The following NALF1 variants were observed in gnomAD, a reference collection of about 807,000 sequenced individuals.
NALF1 encodes NALCN channel auxiliary factor 1.
A neutral mutation model predicts 48.4 loss-of-function variants in NALF1; 3 were observed. That is an observed-to-expected ratio of 0.06 (90% CI 0.03 to 0.16). The LOEUF (loss-of-function observed/expected upper bound fraction) is 0.16, where lower values mean the gene tolerates loss of function less well. Among genes scored for constraint, NALF1 ranks in the 10% least tolerant of loss-of-function variants. NALF1 has a pLI of 1.00. For missense variants in NALF1, 526 were observed against 571.5 expected, an observed-to-expected ratio of 0.92 and a Z score of 0.81; for synonymous variants, 262 against 245.7, an observed-to-expected ratio of 1.07 and a Z score of -0.62.
At chr13:107,406,047 A>G (rs1195553544) in intron 1 of NALF1, among the ~76,000 whole-genome samples, 1 of 152,068 alleles carries the variant, frequency 6.6e-6, no homozygotes, top group Non-Finnish European at 1.5e-5. Flanking sequence ...GATCACCACC[A>G]CTACCTAGAA....
At chr13:107,627,978 T>C (rs1322458634) in intron 1 of NALF1, among the ~76,000 whole-genome samples, 1 of 152,106 alleles carries the variant, frequency 6.6e-6, no homozygotes, top group Non-Finnish European at 1.5e-5. Context: ...TTTCATTTAC[T>C]GGTAAAGTTA....
intron 1 of NALF1, among the ~76,000 whole-genome samples, chr13:107,435,106 CT>C (rs1462081781): frequency 6.6e-6 from 1 of 151,964 alleles, no homozygotes; most frequent in Non-Finnish European, 1.5e-5. Flanking sequence ...GGGGGGTAGT[CT>C]TAGCAACTTA....
chr13:107,303,746 T>A (rs1235316227), intron 1 of NALF1, among the ~76,000 whole-genome samples: 1 of 152,204 alleles, frequency 6.6e-6, no homozygotes, highest in Non-Finnish European at 1.5e-5. Flanking sequence ...AATTTTTTTT[T>A]AATCTCCTGA....
chr13:107,499,872 TTTG>T (rs1875460987), intron 1 of NALF1, among the ~76,000 whole-genome samples: 2 of 152,308 alleles, frequency 1.3e-5, no homozygotes, highest in South Asian at 2.1e-4. Flanking sequence ...ACAATTTTTA[TTTG>T]TTATTTTAAA....
intron 2 of NALF1, among the ~76,000 whole-genome samples, chr13:107,173,627 C>A (rs1193054272): frequency 6.6e-6 from 1 of 152,182 alleles, no homozygotes; most frequent in African/African-American, 2.4e-5. Context: ...AGTGCTGGAT[C>A]CCCTGTTCCC....
In NALF1 at chr13:107,589,871, T is replaced by G. The variant is rs368083081; in HGVS notation, c.915+275811A>C. Reference sequence around the variant, plus strand: ...TTTGCTAATAACATATCAGGCAGGATAACCAAACAGATTGCACAGCTAGTC... The same window carrying G: ...TTTGCTAATAACATATCAGGCAGGAGAACCAAACAGATTGCACAGCTAGTC... On this transcript the variant is annotated intron_variant, in intron 1 of 2. Transcript: ENST00000375915. Among the ~76,000 whole-genome samples the G allele has an allele frequency of 4.6e-3, 600 of 131,866 alleles. 5 individuals carry two copies. The highest frequency in any genetic ancestry group is 0.017 in the African/African-American group (555 of 32,084). The allele number at this position is 131,866 out of a possible 152,430, so 86.5% of individuals were successfully genotyped here.
At chr13:107,571,522 T>C (rs962576462) in intron 1 of NALF1, among the ~76,000 whole-genome samples, 8 of 152,302 alleles carry the variant, frequency 5.3e-5, no homozygotes, top group African/African-American at 1.4e-4. Context: ...TCCGTGCCCC[T>C]GCCCCATACC....
At chr13:107,531,796 C>G (rs1360325919) in intron 1 of NALF1, among the ~76,000 whole-genome samples, 1 of 151,738 alleles carries the variant, frequency 6.6e-6, no homozygotes, top group Non-Finnish European at 1.5e-5. Flanking sequence ...TCATTTGCAT[C>G]TTTTTTATGA....
At chr13:107,564,859 G>A (rs1877748619) in intron 1 of NALF1, among the ~76,000 whole-genome samples, 1 of 151,828 alleles carries the variant, frequency 6.6e-6, no homozygotes, top group African/African-American at 2.4e-5. Context: ...GAGCCATTAG[G>A]GACCTCAGCC....
intron 1 of NALF1, among the ~76,000 whole-genome samples, chr13:107,558,438 T>C (rs375257075): frequency 6.6e-6 from 1 of 152,190 alleles, no homozygotes; most frequent in South Asian, 2.1e-4. Context: ...CTAAAATTTA[T>C]CCCCAAATAT....
intron 1 of NALF1, among the ~76,000 whole-genome samples, chr13:107,446,428 C>A (rs1262131823): frequency 2.0e-5 from 3 of 150,860 alleles, no homozygotes; most frequent in African/African-American, 7.4e-5. Flanking sequence ...CACACACACA[C>A]ACACACATAT....
chr13:107,270,475 G>T (rs1359167633), intron 1 of NALF1, among the ~76,000 whole-genome samples: 1 of 152,004 alleles, frequency 6.6e-6, no homozygotes, highest in African/African-American at 2.4e-5. Flanking sequence ...TTTAGCAGAA[G>T]AGTGAACGAA....
At chr13:107,349,196 A>G (rs534033173) in intron 1 of NALF1, among the ~76,000 whole-genome samples, 1 of 152,286 alleles carries the variant, frequency 6.6e-6, no homozygotes, top group African/African-American at 2.4e-5. Context: ...GATATTTCGA[A>G]AGAGAAAAAT....
chr13:107,617,222 A>G (rs1879402911), intron 1 of NALF1, among the ~76,000 whole-genome samples: 1 of 152,244 alleles, frequency 6.6e-6, no homozygotes, highest in Middle Eastern at 3.4e-3. Flanking sequence ...CAAACCTGGT[A>G]TCCATCCTAG....
intron 1 of NALF1, among the ~76,000 whole-genome samples, chr13:107,599,396 G>A (rs112632895): frequency 0.037 from 5,583 of 150,708 alleles, 160 homozygotes; most frequent in Middle Eastern, 0.095. Context: ...CACTCCAGCC[G>A]GGGCAACAGA....
intron 1 of NALF1, among the ~76,000 whole-genome samples, chr13:107,735,455 G>C (rs1876440000): frequency 6.6e-6 from 1 of 152,164 alleles, no homozygotes; most frequent in Non-Finnish European, 1.5e-5. Flanking sequence ...ATGCTGACTA[G>C]CTCTCTTTAT....
intron 1 of NALF1, among the ~76,000 whole-genome samples, chr13:107,682,214 T>G (rs1881323188): frequency 6.6e-6 from 1 of 152,244 alleles, no homozygotes; most frequent in African/African-American, 2.4e-5. Flanking sequence ...AAAGCATTGT[T>G]GCCTTCATTT....
intron 1 of NALF1, among the ~76,000 whole-genome samples, chr13:107,304,853 CT>C (rs1881905579): frequency 6.6e-6 from 1 of 152,192 alleles, no homozygotes. Flanking sequence ...TGTTATTATT[CT>C]GTGAACACAC....
chr13:107,796,133 T>C (rs1412782937), intron 1 of NALF1, among the ~76,000 whole-genome samples: 1 of 152,162 alleles, frequency 6.6e-6, no homozygotes, highest in Non-Finnish European at 1.5e-5. Context: ...TGTGTGGTGA[T>C]GTATAGATTA....
Sources: gnomAD v4.1 joint callset for allele counts (sites outside exome capture counted in the v4.1 genomes callset) on GRCh38, gnomAD v4.1.1 for gene constraint, MANE v1.5 for transcripts, NCBI Gene and HGNC (gene_info 2026-07-23, HGNC 2026-07-21) for gene names.